NEDD4L: variants seen among roughly 807,000 people sequenced by gnomAD.
NEDD4L encodes E3 ubiquitin-protein ligase NEDD4-like.
In NEDD4L, 54 loss-of-function variants were observed where a neutral mutation model predicts 148.9. The observed-to-expected ratio is 0.36, with a 90% CI of 0.29 to 0.45. The LOEUF (loss-of-function observed/expected upper bound fraction) is 0.45, where lower values mean the gene tolerates loss of function less well. NEDD4L is among the 20% of genes least tolerant of loss of function. The pLI is 1.00. For synonymous variants in NEDD4L, 433 were observed against 440.7 expected (o/e 0.98, Z 0.22); for missense variants, 856 against 1,233.8 (o/e 0.69, Z 4.59).
intron 1 of NEDD4L, among the ~76,000 whole-genome samples, chr18:58,133,277 T>C (rs957821380): frequency 1.3e-5 from 2 of 152,240 alleles, no homozygotes; most frequent in African/African-American, 4.8e-5. Context: ...AATGCACTTA[T>C]AAGTTTCTAT....
intron 5 of NEDD4L, among the ~76,000 whole-genome samples, chr18:58,306,631 T>C (rs566624080): frequency 6.2e-4 from 59 of 95,634 alleles, no homozygotes; most frequent in African/African-American, 2.0e-3. Context: ...TTCTTTCTTC[T>C]TTTTTTTTTT....
intron 2 of NEDD4L, among the ~76,000 whole-genome samples, chr18:58,179,134 C>G (rs2038522722): frequency 6.6e-6 from 1 of 152,148 alleles, no homozygotes; most frequent in South Asian, 2.1e-4. Context: ...ATCTGGAAAA[C>G]AAAAGAGAAA....
intron 1 of NEDD4L, among the ~76,000 whole-genome samples, chr18:58,051,683 T>TC (rs2081878942): frequency 6.6e-6 from 1 of 152,220 alleles, no homozygotes; most frequent in Non-Finnish European, 1.5e-5. Flanking sequence ...AGATCCTAAC[T>TC]TAAGAGTTTT....
At chr18:58,379,685 C>T (rs2048072733) in intron 24 of NEDD4L, among the ~76,000 whole-genome samples, 1 of 152,234 alleles carries the variant, frequency 6.6e-6, no homozygotes, top group African/African-American at 2.4e-5. Flanking sequence ...TATGCCTGCA[C>T]TGCAGGAGAC....
chr18:58,227,558 A>G (rs938117630), intron 2 of NEDD4L, among the ~76,000 whole-genome samples: 3 of 152,148 alleles, frequency 2.0e-5, no homozygotes, highest in African/African-American at 7.2e-5. Context: ...ACGTCCCTGC[A>G]TGCTCTGTCT....
intron 5 of NEDD4L, among the ~76,000 whole-genome samples, chr18:58,261,709 T>C (rs1365338178): frequency 6.6e-6 from 1 of 152,218 alleles, no homozygotes; most frequent in Admixed American, 6.5e-5. Context: ...GGATAGTTGA[T>C]GAATATTTCT....
chr18:58,171,537 G>A lies in NEDD4L; in HGVS notation c.122+5676G>A, dbSNP rs1340120098. Among the ~76,000 whole-genome samples, 15 of 152,252 alleles carry A rather than the reference G, an allele frequency of 9.9e-5. 1 individual carries two copies. The highest frequency in any genetic ancestry group is 3.1e-4 in the African/African-American group (13 of 41,470). ...TCCTCCTACGGCCCCTTGTCTTAGC[G>A]GACTTGGGAGGCTCAGAGGCTCCAG... On this transcript the variant is annotated intron_variant, in intron 2 of 30. Transcript: ENST00000400345.
intron 6 of NEDD4L, among the ~76,000 whole-genome samples, chr18:58,319,408 C>T (rs1266775715): frequency 1.3e-5 from 2 of 152,230 alleles, no homozygotes; most frequent in African/African-American, 4.8e-5. Context: ...TTCCATTTGC[C>T]TGCAGAATCC....
intron 2 of NEDD4L, among the ~76,000 whole-genome samples, chr18:58,193,060 G>T (rs1234870669): frequency 2.0e-5 from 3 of 152,192 alleles, no homozygotes; most frequent in Non-Finnish European, 2.9e-5. Context: ...TAAGAGGAGA[G>T]TAAGACCAGT....
chr18:58,184,774 A>G (rs1260912513), intron 2 of NEDD4L, among the ~76,000 whole-genome samples: 4 of 151,972 alleles, frequency 2.6e-5, no homozygotes, highest in Admixed American at 2.6e-4. Context: ...TAAAAATACA[A>G]AAAATTAGCT....
rs538521229 is a variant in NEDD4L, at chr18:58,232,776, T to C, written c.123-12651T>C. 1.1e-3 allele frequency among the ~76,000 whole-genome samples: 160 copies of C among 152,376 alleles called. 1 individual carries two copies. The highest frequency in any genetic ancestry group is 3.4e-3 in the African/African-American group (140 of 41,594). On this transcript the variant is annotated intron_variant, in intron 2 of 30. Transcript: ENST00000400345. ...TCTGGTGGTTTGTTTGCACATTTAA[T>C]AGACTTGAAGATAAACTCTCTAAAC...
chr18:58,340,404 CCTGGGGTGTGAGG>C (rs1191849870), intron 13 of NEDD4L, among the ~76,000 whole-genome samples: 1 of 152,158 alleles, frequency 6.6e-6, no homozygotes, highest in Non-Finnish European at 1.5e-5. Context: ...GTGCACATAG[CCTGGGGTGTGAGG>C]CTGGGTGCTG....
At chr18:58,234,716 C>G (rs1054461095) in intron 2 of NEDD4L, among the ~76,000 whole-genome samples, 2 of 152,110 alleles carry the variant, frequency 1.3e-5, no homozygotes, top group African/African-American at 4.8e-5. Flanking sequence ...GAACATAGTT[C>G]CCCATCTTAT....
chr18:58,218,615 TATAA>T (rs1371876447), intron 2 of NEDD4L, among the ~76,000 whole-genome samples: 6 of 152,148 alleles, frequency 3.9e-5, no homozygotes, highest in African/African-American at 1.4e-4. Flanking sequence ...CTGCCCAGAT[TATAA>T]AACTGAAGTA....
intron 19 of NEDD4L, among the ~76,000 whole-genome samples, chr18:58,358,037 G>A (rs1252292417): frequency 6.6e-6 from 1 of 152,102 alleles, no homozygotes; most frequent in African/African-American, 2.4e-5. Flanking sequence ...TGCAAATTTG[G>A]GATTCTTAGA....
At chr18:58,074,047 T>C (rs2083032603) in intron 1 of NEDD4L, among the ~76,000 whole-genome samples, 2 of 152,176 alleles carry the variant, frequency 1.3e-5, no homozygotes, top group Non-Finnish European at 2.9e-5. Context: ...TGGCAGGGTC[T>C]GCTTCCCTGT....
chr18:58,231,894 C>T lies in NEDD4L; in HGVS notation c.123-13533C>T, dbSNP rs541982486. Among the ~76,000 whole-genome samples, 4 of 152,240 alleles carry T rather than the reference C, an allele frequency of 2.6e-5. No homozygotes were observed. The South Asian group carries it at 8.3e-4, about 32-fold the overall frequency. ...GTGGTTTAAATTGGATTCTCCATTT[C>T]CCACCTAATAGAAAGTCGGAAGCAT... On this transcript the variant is annotated intron_variant, in intron 2 of 30. Coordinates refer to ENST00000400345, the MANE Select transcript of NEDD4L (RefSeq NM_001144967.3).
intron 6 of NEDD4L, among the ~76,000 whole-genome samples, 193 bp from the exon 7 acceptor site, chr18:58,322,232 C>T (rs1311109772): frequency 6.6e-6 from 1 of 152,108 alleles, no homozygotes; most frequent in East Asian, 1.9e-4. Flanking sequence ...TCCTAAAACC[C>T]GGTGTGGATA....
intron 1 of NEDD4L, 51 bp downstream of exon 1, chr18:58,044,759 G>T (rs1418154429): frequency 6.3e-7 from 1 of 1,586,156 alleles, no homozygotes; most frequent in African/African-American, 1.4e-5. Flanking sequence ...TTCCTATCCC[G>T]CGCCGGCAGG....
Sources: allele counts gnomAD v4.1 joint callset (sites outside exome capture counted in the v4.1 genomes callset), GRCh38; gene constraint gnomAD v4.1.1; transcripts MANE v1.5; gene names NCBI Gene and HGNC (gene_info 2026-07-23, HGNC 2026-07-21).